Variants in NR1D2 observed in about 807,000 individuals in gnomAD.
NR1D2 encodes the protein V-erbA-related protein 1-related.
Under a neutral mutation model 52.2 loss-of-function variants are expected in NR1D2, and 25 were observed. The observed-to-expected ratio is 0.48, with a 90% CI of 0.35 to 0.67. The LOEUF is 0.67. NR1D2 is among the 30% of genes least tolerant of loss of function. The probability of loss-of-function intolerance (pLI) is 0.01; values close to 1 mark genes in which losing one functional copy is unlikely to be tolerated. For missense variants in NR1D2, 681 were observed against 707.2 expected (o/e 0.96, Z 0.42); for synonymous variants, 259 against 230.1 (o/e 1.13, Z -1.14).
intron 1 of NR1D2, among the ~76,000 whole-genome samples, chr3:23,949,427 C>G (rs1705864627): frequency 1.3e-5 from 2 of 151,838 alleles, no homozygotes; most frequent in Non-Finnish European, 2.9e-5. Context: ...AAAAATGTCT[C>G]TTTTGATGAT....
chr3:23,953,316 C>G (rs1406469413), intron 1 of NR1D2, among the ~76,000 whole-genome samples: 2 of 126,560 alleles, frequency 1.6e-5, no homozygotes, highest in East Asian at 4.8e-4. Context: ...GCACTCCGGC[C>G]TGGGTGACAG....
intron 7 of NR1D2, among the ~76,000 whole-genome samples, chr3:23,973,814 C>T (rs1706652264): frequency 6.6e-6 from 1 of 152,024 alleles, no homozygotes; most frequent in Non-Finnish European, 1.5e-5. Flanking sequence ...TATCCTTATT[C>T]TATAAGCTTT....
intron 7 of NR1D2, among the ~76,000 whole-genome samples, chr3:23,969,011 C>T (rs1313161123): frequency 7.9e-5 from 12 of 152,092 alleles, no homozygotes; most frequent in African/African-American, 2.9e-4. Context: ...TGGCCAGGCG[C>T]CAGGGGTGCA....
At chr3:23,961,784 T>C (rs960233077) in intron 4 of NR1D2, among the ~76,000 whole-genome samples, 193 bp from the exon 5 acceptor site, 1 of 151,966 alleles carries the variant, frequency 6.6e-6, no homozygotes, top group Non-Finnish European at 1.5e-5. Flanking sequence ...AAATAGAAAA[T>C]TTTCTCTCCC....
rs186506122 is a variant in NR1D2 at position 23,977,105 on chromosome 3, G to T, written c.1544-118G>T. 171 of 516,890 alleles carry T rather than the reference G, an allele frequency of 3.3e-4. No homozygotes were observed. The East Asian group carries it at 4.6e-3, about 14-fold the overall frequency. The allele number at this position is 516,890 out of a possible 1,614,324, so 32.0% of individuals were successfully genotyped here. A position where few individuals can be genotyped will look rare whatever the true frequency, so the allele number is the denominator to read the frequency against. On this transcript the variant is annotated intron_variant, in intron 7 of 7. Transcript: ENST00000312521. ...ATTTGTCAACTTTTGCCTTTATTCAGATGTATAAAACCTTGCTTTCTATTC... is the reference window on the plus strand; with the variant it reads ...ATTTGTCAACTTTTGCCTTTATTCATATGTATAAAACCTTGCTTTCTATTC...
At chr3:23,952,725 C>CAAAAA (rs35053426) in intron 1 of NR1D2, among the ~76,000 whole-genome samples, 64 of 118,546 alleles carry the variant, frequency 5.4e-4, no homozygotes, top group African/African-American at 1.8e-3. Flanking sequence ...GACTCCATCT[C>CAAAAA]AAAAAAAAAA....
rs148465035 is a variant in NR1D2 at position 23,977,327 on chromosome 3, A to C, written c.1648A>C (p.Ile550Leu). Reference sequence around the variant, plus strand: ...GAAAAACCATCCAAATGAGGCCTCTATTTTTACAAAACTGCTTCTAAAGTT... The same window carrying C: ...GAAAAACCATCCAAATGAGGCCTCTCTTTTTACAAAACTGCTTCTAAAGTT... The part of the protein sequence containing the change: ...IMKNHPNEAS[I>L]FTKLLLKLPD... The change falls in exon 8 of 8, where the codon ATT becomes CTT. Residue 550 changes from isoleucine (I) to leucine (L), a missense_variant. By Grantham distance (5) the Ile-to-Leu change is conservative. Coordinates refer to ENST00000312521, the MANE Select transcript of NR1D2 (RefSeq NM_005126.5). The C allele has an allele frequency of 6.2e-7, 1 of 1,613,502 alleles. No individual in the cohort carries two copies.
rs1706815653 is a variant in NR1D2, at chr3:23,979,295, T to G, written c.*1876T>G. The G allele has an allele frequency of 6.6e-6, 1 of 152,156 alleles. No individual in the cohort carries two copies. Among genetic ancestry groups the G allele is most frequent in the Admixed American group, 6.5e-5 (1 of 15,280 alleles). 9.4% of individuals were successfully genotyped at this position (152,156 alleles called of 1,614,324 possible). A position where few individuals can be genotyped will look rare whatever the true frequency, so the allele number is the denominator to read the frequency against. ...CTCTTATGGGATATACAGTATAGTT[T>G]TTGTGAATCTTTACATGATAGCATT... On this transcript the variant is annotated 3_prime_UTR_variant, in exon 8 of 8. Coordinates refer to ENST00000312521, the MANE Select transcript of NR1D2 (RefSeq NM_005126.5).
Position 23,965,180 on chromosome 3 carries a change from T to C in NR1D2, c.1332+18T>C, listed in dbSNP as rs997195563. ...CTTTTGAGGTAGGTTTTATTTATCC[T>C]GAATATTGATGCAGGCAGGGCATGT... On this transcript the variant is annotated intron_variant, in intron 6 of 7. Coordinates refer to ENST00000312521, the MANE Select transcript of NR1D2 (RefSeq NM_005126.5). The C allele has an allele frequency of 5.2e-6, 8 of 1,528,804 alleles. No individual in the cohort carries two copies. In the African/African-American group the frequency reaches 7.0e-5, roughly 13 times the overall value. The allele number at this position is 1,528,804 out of a possible 1,614,324, so 94.7% of individuals were successfully genotyped here. A position where few individuals can be genotyped will look rare whatever the true frequency, so the allele number is the denominator to read the frequency against.
chr3:23,952,309 C>T (rs1444264494), intron 1 of NR1D2, among the ~76,000 whole-genome samples: 2 of 152,148 alleles, frequency 1.3e-5, no homozygotes. Context: ...ACCTCATGAT[C>T]GAGTCCAGGC....
chr3:23,957,958 G>A (rs958517212), intron 3 of NR1D2, among the ~76,000 whole-genome samples: 1 of 152,198 alleles, frequency 6.6e-6, no homozygotes, highest in Non-Finnish European at 1.5e-5. Context: ...TTCGGGAAAT[G>A]TGTTTAGTTG....
In NR1D2 at chr3:23,954,714, G is replaced by C; in HGVS notation, c.194G>C (p.Gly65Ala). 1.9e-6 allele frequency: 3 copies of C among 1,613,968 alleles called. No individual in the cohort carries two copies. Among genetic ancestry groups the C allele is most frequent in the Non-Finnish European group, 2.5e-6 (3 of 1,179,890 alleles). Residue 65 changes from glycine (G) to alanine (A), a missense_variant, in exon 2 of 8, where the codon GGC (glycine) becomes GCC (alanine). Physicochemically the swap from Gly to Ala is moderately conservative, Grantham distance 60. Coordinates refer to ENST00000312521, the MANE Select transcript of NR1D2 (RefSeq NM_005126.5). The stretch of plus-strand genomic sequence containing the variant: ...AATGGTGATCTCGCCAATATTGAAG[G>C]CATCTTGAAGAATGATCGAATAGAT... ...PKNGDLANIE[G>A]ILKNDRIDCS...
chr3:23,949,018 C>T (rs1365893159), intron 1 of NR1D2, among the ~76,000 whole-genome samples: 2 of 152,136 alleles, frequency 1.3e-5, no homozygotes, highest in Admixed American at 6.5e-5. Context: ...TACACCTTGA[C>T]CTCCCTTCTC....
intron 6 of NR1D2, among the ~76,000 whole-genome samples, chr3:23,967,496 AT>A (rs1167338667): frequency 6.6e-6 from 1 of 151,936 alleles, no homozygotes; most frequent in African/African-American, 2.4e-5. Flanking sequence ...CACACCTGTA[AT>A]CCCAGCTACT....
At chr3:23,955,599 G>A (rs1422352152) in intron 2 of NR1D2, among the ~76,000 whole-genome samples, 1 of 151,922 alleles carries the variant, frequency 6.6e-6, no homozygotes, top group Non-Finnish European at 1.5e-5. Context: ...GCTGAGTGGG[G>A]CGGAGTCCAG....
At position 23,945,422 on chromosome 3, in the gene NR1D2, ACGGCCTGGGGCCCGG is replaced by A; in HGVS notation, c.-156_-142del. Reference sequence around the variant, plus strand: ...CTCGCTGCAGCCTGCTGTGCGCTGCACGGCCTGGGGCCCGGGAGCCCCGCCCGCTCTGCCCATGAG... The same window carrying A: ...CTCGCTGCAGCCTGCTGTGCGCTGCAGAGCCCCGCCCGCTCTGCCCATGAG... On this transcript the variant is annotated 5_prime_UTR_variant, in exon 1 of 8. Transcript: ENST00000312521. 4.5e-6 allele frequency: 1 copy of A among 219,842 alleles called. No homozygotes were observed. Among genetic ancestry groups the A allele is most frequent in the Non-Finnish European group, 8.1e-6 (1 of 123,412 alleles). 13.6% of individuals were successfully genotyped at this position (219,842 alleles called of 1,614,324 possible). A position where few individuals can be genotyped will look rare whatever the true frequency, so the allele number is the denominator to read the frequency against.
Position 23,967,961 on chromosome 3 carries a change from A to G in NR1D2, c.1481A>G (p.Asn494Ser). The change falls in exon 7 of 8, where the codon AAT (asparagine) becomes AGT (serine). Residue 494 changes from asparagine (N) to serine (S), a missense_variant. By Grantham distance (46) the Asn-to-Ser change is conservative. Transcript: ENST00000312521. Reference sequence around the variant, plus strand: ...ATGTTTGAATTTAGTGAGAAGCTAAATGCCCTCCAACTTAGTGATGAAGAG... The same window carrying G: ...ATGTTTGAATTTAGTGAGAAGCTAAGTGCCCTCCAACTTAGTGATGAAGAG... ...NSMFEFSEKL[N>S]ALQLSDEEMS... The G allele has an allele frequency of 6.2e-7, 1 of 1,614,182 alleles. No homozygotes were observed.
chr3:23,964,669 G>A (rs975808304), intron 5 of NR1D2: 12 of 206,240 alleles, frequency 5.8e-5, no homozygotes, highest in African/African-American at 2.5e-4. Context: ...ACTAGCATAA[G>A]GTGGCAGCAG....
intron 7 of NR1D2, among the ~76,000 whole-genome samples, chr3:23,969,752 A>G (rs1706540109): frequency 6.6e-6 from 1 of 152,232 alleles, no homozygotes; most frequent in African/African-American, 2.4e-5. Flanking sequence ...TTATGCTACT[A>G]AACCGTGTAG....
Sources: allele counts gnomAD v4.1 joint callset (sites outside exome capture counted in the v4.1 genomes callset), GRCh38; gene constraint gnomAD v4.1.1; transcripts MANE v1.5; gene names NCBI Gene and HGNC (gene_info 2026-07-23, HGNC 2026-07-21).